Variants in IL1RAPL2 observed in about 807,000 individuals in gnomAD.
IL1RAPL2 encodes X-linked interleukin-1 receptor accessory protein-like 2.
A neutral mutation model predicts 44.1 loss-of-function variants in IL1RAPL2; 3 were observed. That is an observed-to-expected ratio of 0.07 (90% confidence interval 0.03 to 0.18). The LOEUF (loss-of-function observed/expected upper bound fraction) is 0.18, where lower values mean the gene tolerates loss of function less well. Among genes scored for constraint, IL1RAPL2 ranks in the 10% least tolerant of loss-of-function variants. The pLI is 1.00. For synonymous variants in IL1RAPL2, 181 were observed against 178.8 expected (o/e 1.01, Z -0.10); for missense variants, 391 against 496.4 (o/e 0.79, Z 2.02).
intron 2 of IL1RAPL2, among the ~76,000 whole-genome samples, chrX:104,733,307 C>G (rs1350012261): frequency 9.0e-6 from 1 of 110,911 alleles, no homozygotes; most frequent in Non-Finnish European, 1.9e-5. Flanking sequence ...AAATAATATT[C>G]AGGACCGGGC....
intron 2 of IL1RAPL2, among the ~76,000 whole-genome samples, chrX:105,112,639 G>GT (rs1347436643): frequency 8.9e-6 from 1 of 112,558 alleles, no homozygotes; most frequent in African/African-American, 3.2e-5. Flanking sequence ...CTGAATATAC[G>GT]TATCAGCTTA....
chrX:105,166,107 A>G (rs1196923697), intron 2 of IL1RAPL2, among the ~76,000 whole-genome samples: 1 of 111,529 alleles, frequency 9.0e-6, no homozygotes, highest in Non-Finnish European at 1.9e-5. Context: ...AACTACTTGC[A>G]AGGATTAGAT....
At chrX:105,187,652 A>T (rs1479046494) in intron 2 of IL1RAPL2, among the ~76,000 whole-genome samples, 1 of 111,990 alleles carries the variant, frequency 8.9e-6, no homozygotes, top group Non-Finnish European at 1.9e-5. Context: ...ATACCGCATG[A>T]TCTTACTTAT....
At chrX:105,312,014 C>T (rs2034801569) in intron 5 of IL1RAPL2, among the ~76,000 whole-genome samples, 1 of 111,995 alleles carries the variant, frequency 8.9e-6, no homozygotes, top group Non-Finnish European at 1.9e-5. Flanking sequence ...ATCTCTTCCA[C>T]TTGTGGTGAT....
intron 2 of IL1RAPL2, among the ~76,000 whole-genome samples, chrX:104,928,232 G>A (rs1443875269): frequency 9.0e-6 from 1 of 111,270 alleles, no homozygotes; most frequent in Non-Finnish European, 1.9e-5. Flanking sequence ...TCTCTGTTGT[G>A]CTATCAAATT....
chrX:104,674,040 G>A (rs1313641863), intron 2 of IL1RAPL2, among the ~76,000 whole-genome samples: 5 of 111,543 alleles, frequency 4.5e-5, no homozygotes, highest in Non-Finnish European at 9.4e-5. Context: ...CATGTCATCT[G>A]CAAACAGGGA....
intron 2 of IL1RAPL2, among the ~76,000 whole-genome samples, chrX:105,111,540 T>C (rs1454531301): frequency 8.9e-6 from 1 of 111,904 alleles, no homozygotes; most frequent in Non-Finnish European, 1.9e-5. Flanking sequence ...TTGACTTAGT[T>C]TCATATCAAC....
intron 5 of IL1RAPL2, among the ~76,000 whole-genome samples, chrX:105,356,322 A>G (rs527294374): frequency 3.6e-4 from 40 of 111,219 alleles, no homozygotes; most frequent in Middle Eastern, 4.6e-3. Context: ...AATTGAGAAT[A>G]TATTTTTGCA....
chrX:104,652,711 T>G (rs144523475), intron 1 of IL1RAPL2, among the ~76,000 whole-genome samples: 2 of 112,107 alleles, frequency 1.8e-5, no homozygotes, highest in Admixed American at 1.9e-4. Context: ...CCTCTTCCAC[T>G]GAGAGATTAG....
intron 5 of IL1RAPL2, among the ~76,000 whole-genome samples, chrX:105,274,312 T>C (rs2065754149): frequency 8.9e-6 from 1 of 112,026 alleles, no homozygotes; most frequent in South Asian, 3.7e-4. Flanking sequence ...CAAGGAAAAG[T>C]GAGGCTCCAG....
chrX:105,073,166 G>GAGA (rs2032233902), intron 2 of IL1RAPL2, among the ~76,000 whole-genome samples: 1 of 101,901 alleles, frequency 9.8e-6, no homozygotes, highest in Non-Finnish European at 2.0e-5. Context: ...TTAGCATTAG[G>GAGA]TATATCTCCT....
At chrX:105,599,237 C>T (rs1188524737) in intron 6 of IL1RAPL2, among the ~76,000 whole-genome samples, 1 of 111,932 alleles carries the variant, frequency 8.9e-6, no homozygotes, top group Non-Finnish European at 1.9e-5. Context: ...GCAAGACAGA[C>T]TGAATTGCCT....
chrX:104,872,982 G>C (rs756147541), intron 2 of IL1RAPL2, among the ~76,000 whole-genome samples: 1 of 111,460 alleles, frequency 9.0e-6, no homozygotes, highest in African/African-American at 3.3e-5. Context: ...GCAATAAAAG[G>C]TGACTTCAAA....
intron 2 of IL1RAPL2, among the ~76,000 whole-genome samples, chrX:104,940,340 C>T (rs1271050053): frequency 9.0e-6 from 1 of 111,343 alleles, no homozygotes; most frequent in African/African-American, 3.3e-5. Context: ...GATATTTGTT[C>T]ATATGTAGAT....
intron 2 of IL1RAPL2, among the ~76,000 whole-genome samples, chrX:104,722,459 A>G (rs1237681795): frequency 9.0e-6 from 1 of 111,194 alleles, no homozygotes; most frequent in Admixed American, 9.6e-5. Flanking sequence ...CAGTGAGGAT[A>G]TTGAGAGGGA....
chrX:104,934,888 T>C (rs1165763050), intron 2 of IL1RAPL2, among the ~76,000 whole-genome samples: 1 of 111,633 alleles, frequency 9.0e-6, no homozygotes, highest in Non-Finnish European at 1.9e-5. Context: ...AGCAGAAAAA[T>C]ATATAGTGCC....
At chrX:104,859,442 C>T (rs758610864) in intron 2 of IL1RAPL2, among the ~76,000 whole-genome samples, 13 of 111,437 alleles carry the variant, frequency 1.2e-4, no homozygotes, top group Non-Finnish European at 2.1e-4. Context: ...CACACCCATG[C>T]CCATCACATA....
At chrX:104,906,210 A>T (rs1257771929) in intron 2 of IL1RAPL2, among the ~76,000 whole-genome samples, 2 of 111,500 alleles carry the variant, frequency 1.8e-5, no homozygotes, top group South Asian at 7.6e-4. Context: ...TTGGGCTGAG[A>T]CAATGGGGTT....
intron 2 of IL1RAPL2, among the ~76,000 whole-genome samples, chrX:105,121,163 G>A (rs1366398356): frequency 4.5e-5 from 5 of 111,423 alleles, no homozygotes; most frequent in Non-Finnish European, 9.4e-5. Flanking sequence ...TTCAACAAGC[G>A]TCAGCTATAA....
Sources: allele counts gnomAD v4.1 joint callset (sites outside exome capture counted in the v4.1 genomes callset), GRCh38; gene constraint gnomAD v4.1.1; transcripts MANE v1.5; gene names NCBI Gene and HGNC (gene_info 2026-07-23, HGNC 2026-07-21).